CTNNA3: variants seen among roughly 807,000 people sequenced by gnomAD.
CTNNA3 encodes the protein catenin alpha 3.
A neutral mutation model predicts 95.7 loss-of-function variants in CTNNA3; 76 were observed. The ratio of observed to expected loss-of-function variants is 0.79; its 90% CI spans 0.66 to 0.96. The LOEUF is 0.96. Among genes scored for constraint, CTNNA3 ranks in the 40% least tolerant of loss-of-function variants. The probability of loss-of-function intolerance (pLI) is 0.00; values close to 1 mark genes in which losing one functional copy is unlikely to be tolerated. For missense variants in CTNNA3, 1,191 were observed against 1,089.8 expected (o/e 1.09, Z -1.31); for synonymous variants, 431 against 374.4 (o/e 1.15, Z -1.74).
intron 9 of CTNNA3, among the ~76,000 whole-genome samples, chr10:66,703,762 G>A (rs7089600): frequency 0.24 from 35,883 of 152,030 alleles, 5,596 homozygotes; most frequent in East Asian, 0.56. Flanking sequence ...AATTTTTGTA[G>A]GGGCTACCTC....
intron 5 of CTNNA3, among the ~76,000 whole-genome samples, chr10:67,363,261 A>G (rs1313264133): frequency 6.6e-6 from 1 of 152,040 alleles, no homozygotes; most frequent in Admixed American, 6.6e-5. Flanking sequence ...TTAGAAAAAA[A>G]ATTTCTGAAA....
At chr10:66,450,836 C>T (rs1911315) in intron 11 of CTNNA3, among the ~76,000 whole-genome samples, 58,177 of 151,912 alleles carry the variant, frequency 0.38, 11,710 homozygotes, top group African/African-American at 0.5. Context: ...TTCTGATTAA[C>T]CCAATTACTT....
intron 12 of CTNNA3, among the ~76,000 whole-genome samples, chr10:66,314,443 C>G (rs941891561): frequency 1.1e-4 from 16 of 150,638 alleles, no homozygotes; most frequent in African/African-American, 3.9e-4. Context: ...TGATTATGCT[C>G]TCATTGACCA....
At chr10:66,372,095 T>C (rs552708100) in intron 12 of CTNNA3, among the ~76,000 whole-genome samples, 24 of 152,312 alleles carry the variant, frequency 1.6e-4, no homozygotes, top group South Asian at 1.4e-3. Context: ...ATATGAAGTG[T>C]CCCTTGCAGT....
At chr10:66,065,199 A>G (rs1348959219) in intron 15 of CTNNA3, among the ~76,000 whole-genome samples, 1 of 151,942 alleles carries the variant, frequency 6.6e-6, no homozygotes, top group Non-Finnish European at 1.5e-5. Flanking sequence ...ACCAGAAGGA[A>G]CAGCCATGTA....
At chr10:66,331,845 A>G (rs562136612) in intron 12 of CTNNA3, among the ~76,000 whole-genome samples, 1 of 151,928 alleles carries the variant, frequency 6.6e-6, no homozygotes, top group South Asian at 2.1e-4. Context: ...GAAGAAAGTC[A>G]TTGGTAGCTT....
intron 7 of CTNNA3, among the ~76,000 whole-genome samples, chr10:67,049,183 G>A (rs1237543516): frequency 2.6e-5 from 4 of 151,908 alleles, no homozygotes; most frequent in Non-Finnish European, 5.9e-5. Flanking sequence ...GAGGAAAAGA[G>A]GACAAGAAAA....
chr10:66,267,515 G>C (rs536133502), intron 13 of CTNNA3, among the ~76,000 whole-genome samples: 2 of 152,150 alleles, frequency 1.3e-5, no homozygotes, highest in African/African-American at 4.8e-5. Context: ...CCTGTCATTT[G>C]CTTATGTACC....
chr10:65,951,053 A>ATT (rs1368171939), intron 17 of CTNNA3, among the ~76,000 whole-genome samples: 2 of 152,180 alleles, frequency 1.3e-5, no homozygotes, highest in Admixed American at 1.3e-4. Context: ...ATATTGTACC[A>ATT]TTTTGGTACA....
At chr10:66,791,928 C>A (rs1840986166) in intron 7 of CTNNA3, among the ~76,000 whole-genome samples, 1 of 151,786 alleles carries the variant, frequency 6.6e-6, no homozygotes, top group African/African-American at 2.4e-5. Flanking sequence ...TGTACAACTG[C>A]AAAGTGTATA....
chr10:66,978,558 T>TATATATATATATATAC (rs1850219158), intron 7 of CTNNA3, among the ~76,000 whole-genome samples: 1 of 82,504 alleles, frequency 1.2e-5, no homozygotes. Flanking sequence ...AAAAAATATA[T>TATATATATATATATAC]ATATATATAT....
intron 11 of CTNNA3, among the ~76,000 whole-genome samples, chr10:66,382,473 C>T (rs1022610942): frequency 1.3e-5 from 2 of 152,120 alleles, no homozygotes; most frequent in Admixed American, 1.3e-4. Context: ...AGGCCTACTG[C>T]CTCTAGACTC....
intron 7 of CTNNA3, among the ~76,000 whole-genome samples, chr10:67,029,995 G>A (rs1853621501): frequency 6.6e-6 from 1 of 152,176 alleles, no homozygotes; most frequent in African/African-American, 2.4e-5. Context: ...AATGCATTAA[G>A]ATATTTGTGC....
chr10:67,474,245 T>C (rs1042951208), intron 5 of CTNNA3, among the ~76,000 whole-genome samples: 1 of 152,184 alleles, frequency 6.6e-6, no homozygotes, highest in Non-Finnish European at 1.5e-5. Flanking sequence ...GGGTCCTGAA[T>C]ACCAGAATGT....
chr10:67,270,270 T>C (rs1838917586), intron 5 of CTNNA3, among the ~76,000 whole-genome samples: 1 of 152,138 alleles, frequency 6.6e-6, no homozygotes, highest in African/African-American at 2.4e-5. Flanking sequence ...ATGTTGCTCT[T>C]TTAAAATAAA....
rs138511165 is a variant in CTNNA3 at position 67,262,927 on chromosome 10, A to C, written c.580-43057T>G. 2.3e-3 allele frequency among the ~76,000 whole-genome samples: 344 copies of C among 152,316 alleles called. 2 individuals are homozygous for C. Among genetic ancestry groups the C allele is most frequent in the African/African-American group, 7.9e-3 (328 of 41,574 alleles). ...AAATGACAGACTCCAGGGTGTTTTC[A>C]ATCAGTCTTCAGTGAGAAAATATTT... On this transcript the variant is annotated intron_variant, in intron 5 of 17. Transcript: ENST00000433211.
intron 11 of CTNNA3, among the ~76,000 whole-genome samples, chr10:66,432,621 ACTGCACTC>A (rs1489758602): frequency 1.3e-5 from 2 of 150,220 alleles, no homozygotes; most frequent in East Asian, 3.9e-4. Flanking sequence ...AGATTGCGCC[ACTGCACTC>A]CAGCCTGGGT....
At chr10:66,326,294 C>T (rs867324097) in intron 12 of CTNNA3, among the ~76,000 whole-genome samples, 6 of 152,108 alleles carry the variant, frequency 3.9e-5, no homozygotes, top group African/African-American at 2.4e-5. Flanking sequence ...GCTCTCATCA[C>T]TCTTTATGCA....
chr10:66,142,673 AT>A (rs1169240481), intron 13 of CTNNA3, among the ~76,000 whole-genome samples: 1 of 152,120 alleles, frequency 6.6e-6, no homozygotes, highest in Non-Finnish European at 1.5e-5. Context: ...TGTGACAGCA[AT>A]TAAACAACCA....
Sources: gnomAD v4.1 joint callset for allele counts (sites outside exome capture counted in the v4.1 genomes callset) on GRCh38, gnomAD v4.1.1 for gene constraint, MANE v1.5 for transcripts, NCBI Gene and HGNC (gene_info 2026-07-23, HGNC 2026-07-21) for gene names.